IPO11: variants seen among roughly 807,000 people sequenced by gnomAD.
The protein encoded by IPO11 is importin 11, also known as importin-11.
In IPO11, 66 loss-of-function variants were observed where a neutral mutation model predicts 143.2. That is an observed-to-expected ratio of 0.46 (90% confidence interval 0.38 to 0.57). The LOEUF (loss-of-function observed/expected upper bound fraction) is 0.57, where lower values mean the gene tolerates loss of function less well. Ranked by LOEUF, IPO11 falls within the 20% of genes least tolerant of loss-of-function variation. The pLI is 0.00. For missense variants in IPO11, 1,026 were observed against 1,141.0 expected, an observed-to-expected ratio of 0.90 and a Z score of 1.45; for synonymous variants, 385 against 377.8, an observed-to-expected ratio of 1.02 and a Z score of -0.22.
At chr5:62,600,974 T>G (rs1745486566) in intron 28 of IPO11, among the ~76,000 whole-genome samples, 3 of 152,348 alleles carry the variant, frequency 2.0e-5, no homozygotes, top group Admixed American at 1.3e-4. Flanking sequence ...TTTACACAGC[T>G]GAGTCAGGAA....
chr5:62,579,761 G>A (rs1301510014), intron 27 of IPO11: 17 of 1,544,404 alleles, frequency 1.1e-5, no homozygotes, highest in Non-Finnish European at 1.5e-5. Context: ...GTTCAATTGA[G>A]GCATCTATAT....
intron 9 of IPO11, among the ~76,000 whole-genome samples, chr5:62,480,767 T>G (rs1746166064): frequency 6.6e-6 from 1 of 152,128 alleles, no homozygotes; most frequent in South Asian, 2.1e-4. Context: ...ATGCTTGTGA[T>G]TTTTGCACAT....
intron 29 of IPO11, among the ~76,000 whole-genome samples, chr5:62,615,409 G>A (rs1746093491): frequency 6.6e-6 from 1 of 152,202 alleles, no homozygotes; most frequent in Non-Finnish European, 1.5e-5. Context: ...TCACTGAGCA[G>A]TTGCAGGAGT....
chr5:62,459,976 A>G (rs1197475163), intron 5 of IPO11, among the ~76,000 whole-genome samples: 2 of 152,362 alleles, frequency 1.3e-5, no homozygotes, highest in East Asian at 3.9e-4. Context: ...GAAAAATATT[A>G]ACTGCCATGT....
At chr5:62,526,559 C>G (rs1310122215) in intron 21 of IPO11, 1 of 249,352 alleles carries the variant, frequency 4.0e-6, no homozygotes, top group African/African-American at 2.3e-5. Flanking sequence ...AATTTCCAGT[C>G]TGTTAAATGA....
chr5:62,418,523 A>G (rs1054234442), intron 1 of IPO11, among the ~76,000 whole-genome samples: 3 of 152,234 alleles, frequency 2.0e-5, no homozygotes, highest in African/African-American at 4.8e-5. Context: ...AGTGCTATGA[A>G]CAGCATTCAT....
At position 62,477,964 on chromosome 5, in the gene IPO11, T is replaced by C. The variant is rs1746022067; in HGVS notation, c.828+1211T>C. On this transcript the variant is annotated intron_variant, in intron 9 of 29. Coordinates refer to ENST00000325324, the MANE Select transcript of IPO11 (RefSeq NM_016338.5). ...CAAAATAGAATAAAGTTACTATAAATAGAATTGAGTAACTTTGAGTCTTCA... is the reference window on the plus strand; with the variant it reads ...CAAAATAGAATAAAGTTACTATAAACAGAATTGAGTAACTTTGAGTCTTCA... Among the ~76,000 whole-genome samples, 5 of 152,204 alleles carry C rather than the reference T, an allele frequency of 3.3e-5. No individual in the cohort carries two copies. The South Asian group carries it at 8.3e-4, about 25-fold the overall frequency.
chr5:62,456,307 A>G (rs937246353), intron 5 of IPO11, among the ~76,000 whole-genome samples: 1 of 152,232 alleles, frequency 6.6e-6, no homozygotes, highest in Non-Finnish European at 1.5e-5. Context: ...TCGGCCAGGA[A>G]TTCATTTTCT....
rs775204183 is a variant in IPO11 at position 62,627,309 on chromosome 5, A to G, written c.2919A>G (p.Gln973=). 6.2e-7 allele frequency: 1 copy of G among 1,613,298 alleles called. No individual in the cohort carries two copies. The highest frequency in any genetic ancestry group is 1.3e-5 in the African/African-American group (1 of 75,036). ...TCACCCAGCTACAGGAGTTTTTGCA[A>G]GGATTCTAAGAGCACATGACATGTG... ...EIVTQLQEFL[Q]GF is the part of the protein sequence containing the mutation. The change falls in exon 30 of 30, where the codon CAA becomes CAG. Residue 973 remains glutamine (Q), a synonymous_variant. Transcript: ENST00000325324.
At chr5:62,530,665 A>C (rs1352481679) in intron 21 of IPO11, 44 bp from the exon 22 acceptor site, 2 of 1,234,122 alleles carry the variant, frequency 1.6e-6, no homozygotes, top group Non-Finnish European at 2.4e-6. Context: ...TAATGGCTTT[A>C]ATGGGCATGG....
At chr5:62,501,275 T>C (rs1741340053) in intron 16 of IPO11, among the ~76,000 whole-genome samples, 1 of 152,200 alleles carries the variant, frequency 6.6e-6, no homozygotes, top group Non-Finnish European at 1.5e-5. Context: ...GCTACAGATC[T>C]TGATCTCTCA....
rs1375955834 is a variant in IPO11 at position 62,514,017 on chromosome 5, C to T, written c.1783-1371C>T. Among the ~76,000 whole-genome samples the T allele has an allele frequency of 2.6e-5, 4 of 151,424 alleles. 1 individual carries two copies. Among genetic ancestry groups the T allele is most frequent in the Admixed American group, 2.6e-4 (4 of 15,242 alleles). On this transcript the variant is annotated intron_variant, in intron 19 of 29. Transcript: ENST00000325324. ...TGGGCTGCCGGGCAGAGACGCTCCT[C>T]ACTTCCTAGATGGGATGGGGGCCGG...
chr5:62,541,251 A>G (rs1742925440), intron 24 of IPO11, among the ~76,000 whole-genome samples: 1 of 151,924 alleles, frequency 6.6e-6, no homozygotes. Flanking sequence ...CATGCCTGTA[A>G]TCCCAGCTAC....
At chr5:62,507,309 A>G (rs1309796992) in intron 19 of IPO11, among the ~76,000 whole-genome samples, 1 of 152,310 alleles carries the variant, frequency 6.6e-6, no homozygotes, top group African/African-American at 2.4e-5. Flanking sequence ...AGATCTGGGT[A>G]CTGGTGTCTA....
intron 5 of IPO11, among the ~76,000 whole-genome samples, chr5:62,458,316 C>G (rs76771022): frequency 6.8e-6 from 1 of 146,410 alleles, no homozygotes; most frequent in South Asian, 2.3e-4. Context: ...TTTTTTCCCC[C>G]TGGGGATTGA....
chr5:62,486,616 A>T lies in IPO11; in HGVS notation c.1218+1154A>T, dbSNP rs573878844. ...TAAGATTTGCACTTACATAATTTAC[A>T]TAATTAGCTATTTGTCTTCTAAAAA... On this transcript the variant is annotated intron_variant, in intron 12 of 29. Coordinates refer to ENST00000325324, the MANE Select transcript of IPO11 (RefSeq NM_016338.5). Among the ~76,000 whole-genome samples the T allele has an allele frequency of 2.0e-5, 3 of 152,296 alleles. No individual in the cohort carries two copies. The East Asian group carries it at 5.8e-4, about 29-fold the overall frequency.
chr5:62,553,295 T>A (rs1305190716), intron 26 of IPO11, among the ~76,000 whole-genome samples: 4 of 151,840 alleles, frequency 2.6e-5, no homozygotes. Flanking sequence ...GAATTCATTC[T>A]TTTTTGAGGT....
chr5:62,518,315 A>C (rs938340972), intron 20 of IPO11, among the ~76,000 whole-genome samples: 4 of 152,022 alleles, frequency 2.6e-5, no homozygotes, highest in Admixed American at 2.6e-4. Flanking sequence ...GAGGTGGCAC[A>C]TGCCTGTAGT....
chr5:62,592,006 C>T (rs1032183628), intron 28 of IPO11, among the ~76,000 whole-genome samples: 4 of 152,066 alleles, frequency 2.6e-5, no homozygotes, highest in African/African-American at 4.8e-5. Context: ...TGCACCACCA[C>T]ACCTGGCTAC....
Sources: gnomAD v4.1 joint callset for allele counts (sites outside exome capture counted in the v4.1 genomes callset) on GRCh38, gnomAD v4.1.1 for gene constraint, MANE v1.5 for transcripts, NCBI Gene and HGNC (gene_info 2026-07-23, HGNC 2026-07-21) for gene names.